The following SLC35F4 variants were observed in gnomAD, a reference collection of about 807,000 sequenced individuals.
The protein encoded by SLC35F4 is solute carrier family 35 member F4.
A neutral mutation model predicts 44.2 loss-of-function variants in SLC35F4; 24 were observed. That is an observed-to-expected ratio of 0.54 (90% confidence interval 0.39 to 0.76). SLC35F4 has a LOEUF of 0.76. Among genes scored for constraint, SLC35F4 ranks in the 30% least tolerant of loss-of-function variants. The pLI, the probability that SLC35F4 is intolerant of heterozygous loss-of-function variation, is 0.00. For synonymous variants in SLC35F4, 238 were observed against 223.6 expected (o/e 1.06, Z -0.57); for missense variants, 562 against 586.1 (o/e 0.96, Z 0.42).
intron 1 of SLC35F4, among the ~76,000 whole-genome samples, chr14:57,783,041 C>G (rs2077664798): frequency 6.6e-6 from 1 of 152,062 alleles, no homozygotes; most frequent in African/African-American, 2.4e-5. Context: ...GTTGCTGCAG[C>G]TATACCAGCA....
chr14:57,602,473 A>G (rs1009640233), intron 1 of SLC35F4: 20 of 152,284 alleles, frequency 1.3e-4, no homozygotes, highest in African/African-American at 3.4e-4. Context: ...GGGAGCTGGA[A>G]TGTCTCCTTT....
At chr14:57,932,907 T>G (rs1889726689) in intron 1 of SLC35F4, among the ~76,000 whole-genome samples, 1 of 152,168 alleles carries the variant, frequency 6.6e-6, no homozygotes, top group African/African-American at 2.4e-5. Flanking sequence ...GCTCTTCTGA[T>G]GCAATACATA....
At chr14:57,822,622 T>A (rs1008385142) in intron 1 of SLC35F4, among the ~76,000 whole-genome samples, 1 of 152,116 alleles carries the variant, frequency 6.6e-6, no homozygotes, top group Admixed American at 6.5e-5. Context: ...CAAAGACCCA[T>A]AAAGAAACAA....
At chr14:57,738,781 A>C in intron 1 of SLC35F4, among the ~76,000 whole-genome samples, 1 of 100,920 alleles carries the variant, frequency 9.9e-6, no homozygotes. Context: ...ATATATATAT[A>C]TATATAGGCT....
In SLC35F4 at chr14:57,775,186, G is replaced by A. The variant is rs144902163; in HGVS notation, c.103+90537C>T. On this transcript the variant is annotated intron_variant, in intron 1 of 7. Coordinates refer to ENST00000556826, the MANE Select transcript of SLC35F4 (RefSeq NM_001306087.2). ...TGCACATGTGCACACAGTAGCAGGC[G>A]GGGATGCCAAAACCCAAGCCATGCT... 1.7e-3 allele frequency among the ~76,000 whole-genome samples: 265 copies of A among 152,322 alleles called. 1 individual carries two copies. The highest frequency in any genetic ancestry group is 5.9e-3 in the African/African-American group (245 of 41,566).
intron 1 of SLC35F4, among the ~76,000 whole-genome samples, chr14:57,936,679 T>C (rs1301166760): frequency 6.6e-6 from 1 of 151,904 alleles, no homozygotes. Context: ...TATCCCAAAA[T>C]GTCAATGCTT....
At chr14:57,954,530 G>C (rs1466834795) in intron 1 of SLC35F4, among the ~76,000 whole-genome samples, 1 of 152,046 alleles carries the variant, frequency 6.6e-6, no homozygotes, top group African/African-American at 2.4e-5. Flanking sequence ...CCGCCAGCCA[G>C]ACTAATAAAG....
chr14:57,702,593 AG>A (rs1255289931), intron 1 of SLC35F4, among the ~76,000 whole-genome samples: 2 of 152,180 alleles, frequency 1.3e-5, no homozygotes, highest in Non-Finnish European at 2.9e-5. Flanking sequence ...CTCTGTCATA[AG>A]GGTGAATATT....
In SLC35F4 at chr14:57,655,040, G is replaced by A. The variant is rs111724252; in HGVS notation, c.104-60916C>T. Among the ~76,000 whole-genome samples the A allele has an allele frequency of 2.3e-3, 353 of 152,146 alleles. 2 individuals are homozygous for A. The highest frequency in any genetic ancestry group is 0.014 in the Middle Eastern group (4 of 294). On this transcript the variant is annotated intron_variant, in intron 1 of 7. Coordinates refer to ENST00000556826, the MANE Select transcript of SLC35F4 (RefSeq NM_001306087.2). ...TCAGAGCTTCCCTTGAACCATTCTG[G>A]AAATATCTCCACCATCTCAGAATCA...
At chr14:57,876,935 C>T (rs974159606) in intron 1 of SLC35F4, among the ~76,000 whole-genome samples, 6 of 152,062 alleles carry the variant, frequency 3.9e-5, no homozygotes, top group African/African-American at 7.2e-5. Flanking sequence ...AGATAGTTTC[C>T]GATAGGTCTT....
At chr14:57,901,710 T>TG (rs939485610) in intron 1 of SLC35F4, among the ~76,000 whole-genome samples, 5 of 152,146 alleles carry the variant, frequency 3.3e-5, no homozygotes, top group African/African-American at 1.2e-4. Context: ...TAAAAGAGAA[T>TG]GCCTAATAAA....
At chr14:57,752,809 T>G (rs1256459869) in intron 1 of SLC35F4, among the ~76,000 whole-genome samples, 1 of 152,096 alleles carries the variant, frequency 6.6e-6, no homozygotes, top group African/African-American at 2.4e-5. Flanking sequence ...CCCATGAGGG[T>G]CTGAAACAGC....
intron 1 of SLC35F4, among the ~76,000 whole-genome samples, chr14:57,979,587 C>T (rs770939722): frequency 6.6e-6 from 1 of 152,200 alleles, no homozygotes; most frequent in African/African-American, 2.4e-5. Context: ...CATGCATGCA[C>T]ACCCCAGGAG....
intron 4 of SLC35F4, among the ~76,000 whole-genome samples, chr14:57,575,830 A>T (rs548263855): frequency 1.4e-4 from 21 of 152,290 alleles, no homozygotes; most frequent in African/African-American, 4.6e-4. Context: ...CTAAAGCCCA[A>T]AGAGGGCTTT....
intron 1 of SLC35F4, among the ~76,000 whole-genome samples, chr14:57,739,937 G>A (rs550561970): frequency 4.4e-4 from 67 of 152,264 alleles, no homozygotes; most frequent in African/African-American, 1.5e-3. Flanking sequence ...TTGGCTCACC[G>A]AAACCTCTGC....
At chr14:57,824,310 G>A (rs1370856790) in intron 1 of SLC35F4, among the ~76,000 whole-genome samples, 1 of 152,190 alleles carries the variant, frequency 6.6e-6, no homozygotes, top group Non-Finnish European at 1.5e-5. Flanking sequence ...TACAGTGTCA[G>A]CAATGTTCTA....
intron 5 of SLC35F4, among the ~76,000 whole-genome samples, chr14:57,570,408 T>G (rs1393555418): frequency 6.6e-6 from 1 of 152,220 alleles, no homozygotes; most frequent in African/African-American, 2.4e-5. Context: ...ACCCTGTCAT[T>G]ATGTTGTTGA....
intron 1 of SLC35F4, among the ~76,000 whole-genome samples, chr14:57,707,412 T>G (rs1158100609): frequency 1.3e-5 from 2 of 152,172 alleles, no homozygotes; most frequent in Non-Finnish European, 2.9e-5. Context: ...CTGATCGTTT[T>G]AAAAGCATCT....
At chr14:57,672,280 C>T (rs1437931379) in intron 1 of SLC35F4, among the ~76,000 whole-genome samples, 1 of 152,054 alleles carries the variant, frequency 6.6e-6, no homozygotes, top group African/African-American at 2.4e-5. Context: ...GGACAAAGAT[C>T]CTGCAAACAT....
Sources: allele counts gnomAD v4.1 joint callset (sites outside exome capture counted in the v4.1 genomes callset), GRCh38; gene constraint gnomAD v4.1.1; transcripts MANE v1.5; gene names NCBI Gene and HGNC (gene_info 2026-07-23, HGNC 2026-07-21).